LHPP: variants seen among roughly 807,000 people sequenced by gnomAD.
LHPP encodes hLHPP.
Under a neutral mutation model 30.3 loss-of-function variants are expected in LHPP, and 24 were observed. The observed-to-expected ratio is 0.79, with a 90% confidence interval of 0.57 to 1.11. The LOEUF is 1.11. Ranked by LOEUF, LHPP falls within the 50% of genes most tolerant of loss-of-function variation. LHPP has a pLI of 0.00. For missense variants in LHPP, 356 were observed against 367.2 expected (o/e 0.97, Z 0.25); for synonymous variants, 150 against 157.1 (o/e 0.95, Z 0.34).
intron 6 of LHPP, among the ~76,000 whole-genome samples, chr10:124,580,594 T>C (rs964956905): frequency 6.6e-6 from 1 of 152,260 alleles, no homozygotes; most frequent in Admixed American, 6.5e-5. Flanking sequence ...TAAATGTATC[T>C]TTAAAGCTTT....
At chr10:124,522,734 A>G (rs989747798) in intron 6 of LHPP, among the ~76,000 whole-genome samples, 4 of 86,186 alleles carry the variant, frequency 4.6e-5, no homozygotes, top group Admixed American at 3.2e-4. Flanking sequence ...CCCCCCCCCA[A>G]GCACTGTCTG....
chr10:124,498,171 G>GTCAGGGAGGCCGCCCCA lies in LHPP; in HGVS notation c.624+54_624+55insGCCCCATCAGGGAGGCC, dbSNP rs779726487. 6 of 1,575,532 alleles carry GTCAGGGAGGCCGCCCCA rather than the reference G, an allele frequency of 3.8e-6. No homozygotes were observed. In the East Asian group the frequency reaches 1.1e-4, roughly 29 times the overall value. On this transcript the variant is annotated intron_variant, in intron 5 of 6. Transcript: ENST00000368842. ...GAAGTGGGTCAGGGGAGGCAGCCCC[G>GTCAGGGAGGCCGCCCCA]TCAGGGAGGCCCTGGAGCTTGGAAT...
At chr10:124,585,159 A>G (rs1372986637) in intron 6 of LHPP, among the ~76,000 whole-genome samples, 2 of 152,218 alleles carry the variant, frequency 1.3e-5, no homozygotes, top group Non-Finnish European at 2.9e-5. Flanking sequence ...TGTATTTTGT[A>G]GTGTTCACAA....
intron 1 of LHPP, among the ~76,000 whole-genome samples, chr10:124,474,125 C>A (rs1309690561): frequency 3.1e-5 from 4 of 128,394 alleles, no homozygotes; most frequent in Admixed American, 2.5e-4. Context: ...GAGTGGGTTG[C>A]TTTGCCCTTT....
chr10:124,544,960 G>C (rs1001804526), intron 6 of LHPP, among the ~76,000 whole-genome samples: 1 of 152,048 alleles, frequency 6.6e-6, no homozygotes, highest in South Asian at 2.1e-4. Flanking sequence ...TTCTCGGCTT[G>C]TCTGGGAGGA....
intron 1 of LHPP, among the ~76,000 whole-genome samples, chr10:124,479,617 C>T (rs998951165): frequency 3.9e-5 from 6 of 152,176 alleles, no homozygotes; most frequent in Admixed American, 1.3e-4. Flanking sequence ...AAGCAGGTGC[C>T]GGCTTGCTGT....
intron 6 of LHPP, among the ~76,000 whole-genome samples, chr10:124,563,967 A>G (rs76308433): frequency 0.039 from 5,994 of 151,966 alleles, 159 homozygotes; most frequent in South Asian, 0.057. Flanking sequence ...TTTTTTTTTA[A>G]GAGATGGAAT....
At chr10:124,529,851 G>A (rs10794146) in intron 6 of LHPP, among the ~76,000 whole-genome samples, 70,389 of 151,806 alleles carry the variant, frequency 0.46, 17,317 homozygotes, top group African/African-American at 0.63. Context: ...ATGCACCCAC[G>A]CACTCTCTTT....
chr10:124,536,422 A>T (rs1321276280), intron 6 of LHPP, among the ~76,000 whole-genome samples: 4 of 152,172 alleles, frequency 2.6e-5, no homozygotes, highest in East Asian at 1.9e-4. Flanking sequence ...GCCAGGCTGG[A>T]TGGAAGCTCC....
chr10:124,493,654 C>T (rs372672400), intron 3 of LHPP: 4 of 152,274 alleles, frequency 2.6e-5, no homozygotes, highest in Admixed American at 2.0e-4. Context: ...TAATCTGAAA[C>T]GGCAGAAGAA....
chr10:124,575,130 T>C (rs1483685030), intron 6 of LHPP, among the ~76,000 whole-genome samples: 1 of 151,430 alleles, frequency 6.6e-6, no homozygotes, highest in Non-Finnish European at 1.5e-5. Flanking sequence ...CCCCCAAATA[T>C]TGAGCAATTA....
chr10:124,486,337 G>T (rs1426772231), intron 2 of LHPP, among the ~76,000 whole-genome samples: 1 of 152,072 alleles, frequency 6.6e-6, no homozygotes. Flanking sequence ...TCCTATTCTA[G>T]AATTTTATGT....
rs77592234 is a variant in LHPP, at chr10:124,525,425, G to A, written c.716+8154G>A. 5.1e-3 allele frequency among the ~76,000 whole-genome samples: 782 copies of A among 152,298 alleles called. 4 individuals are homozygous for A. Among genetic ancestry groups the A allele is most frequent in the African/African-American group, 0.018 (754 of 41,562 alleles). ...CCAGACGGGTTTATGCCCCCACCACGGGGGGACCCTGTTGCTCCCCGCCCC... is the reference window on the plus strand; with the variant it reads ...CCAGACGGGTTTATGCCCCCACCACAGGGGGACCCTGTTGCTCCCCGCCCC... On this transcript the variant is annotated intron_variant, in intron 6 of 6. Coordinates refer to ENST00000368842, the MANE Select transcript of LHPP (RefSeq NM_022126.4).
intron 6 of LHPP, among the ~76,000 whole-genome samples, chr10:124,608,526 C>T (rs1949124939): frequency 6.6e-6 from 1 of 152,222 alleles, no homozygotes; most frequent in South Asian, 2.1e-4. Context: ...CACCAAGGCA[C>T]AGGGGCTTAG....
intron 1 of LHPP, among the ~76,000 whole-genome samples, chr10:124,479,435 A>G (rs780878661): frequency 2.0e-5 from 3 of 152,236 alleles, no homozygotes; most frequent in Non-Finnish European, 4.4e-5. Flanking sequence ...CGGAGGGATG[A>G]CAAGGGTTTG....
chr10:124,466,520 A>G (rs1304827075), intron 1 of LHPP, among the ~76,000 whole-genome samples: 1 of 152,160 alleles, frequency 6.6e-6, no homozygotes, highest in South Asian at 2.1e-4. Flanking sequence ...GCAGTGGTGC[A>G]ATTTTGGCTT....
chr10:124,467,503 A>G (rs944799707), intron 1 of LHPP, among the ~76,000 whole-genome samples: 7 of 147,942 alleles, frequency 4.7e-5, no homozygotes, highest in Non-Finnish European at 7.4e-5. Context: ...ATTAAAGACC[A>G]CTTTCTTTTC....
chr10:124,531,029 G>A (rs1954888940), intron 6 of LHPP, among the ~76,000 whole-genome samples: 1 of 152,208 alleles, frequency 6.6e-6, no homozygotes, highest in Admixed American at 6.5e-5. Context: ...CCTGGGATGA[G>A]GACACGCCCA....
chr10:124,468,742 A>G (rs1952635773), intron 1 of LHPP, among the ~76,000 whole-genome samples: 1 of 152,114 alleles, frequency 6.6e-6, no homozygotes, highest in Non-Finnish European at 1.5e-5. Flanking sequence ...GGCCCCCTTC[A>G]GCCTTTCTGT....
Sources: allele counts gnomAD v4.1 joint callset (sites outside exome capture counted in the v4.1 genomes callset), GRCh38; gene constraint gnomAD v4.1.1; transcripts MANE v1.5; gene names NCBI Gene and HGNC (gene_info 2026-07-23, HGNC 2026-07-21).